COL15A1: variants seen among roughly 807,000 people sequenced by gnomAD.
COL15A1 encodes the protein collagen alpha-1(XV) chain.
Under a neutral mutation model 165.9 loss-of-function variants are expected in COL15A1, and 111 were observed. The ratio of observed to expected loss-of-function variants is 0.67; its 90% CI spans 0.57 to 0.78. COL15A1 has a LOEUF of 0.78. Among genes scored for constraint, COL15A1 ranks in the 30% least tolerant of loss-of-function variants. The pLI is 0.00. For missense variants in COL15A1, 1,745 were observed against 1,789.7 expected (o/e 0.98, Z 0.45); for synonymous variants, 659 against 674.8 (o/e 0.98, Z 0.36).
chr9:99,065,099 C>A (rs1268193737), intron 39 of COL15A1, among the ~76,000 whole-genome samples: 1 of 152,174 alleles, frequency 6.6e-6, no homozygotes, highest in Non-Finnish European at 1.5e-5. Context: ...AATGTTCCAG[C>A]AATTAGAGAA....
chr9:99,043,174 A>G (rs1262707622), intron 24 of COL15A1, among the ~76,000 whole-genome samples: 1 of 151,394 alleles, frequency 6.6e-6, no homozygotes, highest in African/African-American at 2.4e-5. Context: ...TCTATAATAT[A>G]ATGGTCTCCA....
intron 2 of COL15A1, among the ~76,000 whole-genome samples, chr9:98,944,873 T>A (rs1837552040): frequency 6.6e-6 from 1 of 152,188 alleles, no homozygotes; most frequent in Non-Finnish European, 1.5e-5. Context: ...ACTCAGGCGG[T>A]TGGCTGAATA....
At chr9:99,008,018 C>T (rs1365755503) in intron 9 of COL15A1, among the ~76,000 whole-genome samples, 1 of 152,162 alleles carries the variant, frequency 6.6e-6, no homozygotes, top group Non-Finnish European at 1.5e-5. Flanking sequence ...AAAGAAAAAT[C>T]ATAGGACAAT....
At chr9:99,049,555 C>G in intron 28 of COL15A1, 135 bp from the exon 29 acceptor site, 1 of 1,067,214 alleles carries the variant, frequency 9.4e-7, no homozygotes, top group Non-Finnish European at 1.4e-6. Flanking sequence ...CTCTGTGGCT[C>G]CCTGAGCAAC....
intron 24 of COL15A1, among the ~76,000 whole-genome samples, chr9:99,042,897 G>A (rs538480402): frequency 3.9e-5 from 6 of 152,116 alleles, no homozygotes; most frequent in East Asian, 1.9e-4. Flanking sequence ...ATATTCACTC[G>A]TCCATGTATA....
chr9:98,971,440 T>C (rs1002361731), intron 2 of COL15A1, among the ~76,000 whole-genome samples: 2 of 151,972 alleles, frequency 1.3e-5, no homozygotes, highest in Non-Finnish European at 2.9e-5. Context: ...GAGTCTTTGT[T>C]CCCCAAATGG....
intron 2 of COL15A1, among the ~76,000 whole-genome samples, chr9:98,983,029 C>CT (rs1259153458): frequency 6.6e-6 from 1 of 152,152 alleles, no homozygotes; most frequent in South Asian, 2.1e-4. Flanking sequence ...TAATTACTCG[C>CT]TTTTTTTAAA....
chr9:99,070,363 C>A lies in COL15A1; in HGVS notation c.*477C>A. ...CCATCATTTGCAACTGCTGTTCGTA[C>A]ACAGAAACAGGACTGCTCAAATGAT... On this transcript the variant is annotated 3_prime_UTR_variant, in exon 42 of 42. Transcript: ENST00000375001. 1 of 240,812 alleles carries A rather than the reference C, an allele frequency of 4.2e-6. No homozygotes were observed. Among genetic ancestry groups the A allele is most frequent in the Non-Finnish European group, 8.4e-6 (1 of 119,518 alleles). 14.9% of individuals were successfully genotyped at this position (240,812 alleles called of 1,614,324 possible). A position where few individuals can be genotyped will look rare whatever the true frequency, so the allele number is the denominator to read the frequency against.
intron 4 of COL15A1, among the ~76,000 whole-genome samples, chr9:98,988,050 A>G (rs1000341049): frequency 7.2e-5 from 11 of 151,910 alleles, no homozygotes; most frequent in Middle Eastern, 3.4e-3. Flanking sequence ...CTGACCAATG[A>G]CAAGGGTGAG....
At chr9:99,029,149 A>G (rs1021293577) in intron 16 of COL15A1, among the ~76,000 whole-genome samples, 2 of 152,240 alleles carry the variant, frequency 1.3e-5, no homozygotes, top group African/African-American at 4.8e-5. Flanking sequence ...ACCTAGTATT[A>G]ACAGTTGTTG....
chr9:99,014,649 AAGTT>A (rs1838899098), intron 9 of COL15A1, among the ~76,000 whole-genome samples: 1 of 152,168 alleles, frequency 6.6e-6, no homozygotes, highest in South Asian at 2.1e-4. Context: ...GGTCTCAGGA[AAGTT>A]AGGTAGTTTA....
At chr9:99,013,618 C>T (rs1408957363) in intron 9 of COL15A1, among the ~76,000 whole-genome samples, 1 of 151,660 alleles carries the variant, frequency 6.6e-6, no homozygotes, top group East Asian at 1.9e-4. Flanking sequence ...ACTTTGTACT[C>T]TCATCCACCA....
intron 26 of COL15A1, among the ~76,000 whole-genome samples, chr9:99,047,185 A>C (rs527848732): frequency 1.3e-5 from 2 of 152,378 alleles, no homozygotes; most frequent in African/African-American, 4.8e-5. Context: ...AGGTTGCAAC[A>C]GAACAGTGGT....
chr9:98,980,289 T>C (rs576097483), intron 2 of COL15A1, among the ~76,000 whole-genome samples: 2 of 152,230 alleles, frequency 1.3e-5, no homozygotes, highest in Admixed American at 6.5e-5. Flanking sequence ...AGTGACCCAA[T>C]AGTGACATGC....
intron 28 of COL15A1, 124 bp downstream of exon 28, chr9:99,048,124 CT>C (rs1839524791): frequency 4.2e-6 from 3 of 721,518 alleles, no homozygotes; most frequent in Admixed American, 2.0e-5. Flanking sequence ...TTCACTGCCA[CT>C]GCCAAAGGTC....
At chr9:99,063,818 A>G (rs894957285) in intron 39 of COL15A1, among the ~76,000 whole-genome samples, 1 of 152,176 alleles carries the variant, frequency 6.6e-6, no homozygotes, top group Non-Finnish European at 1.5e-5. Context: ...TAATTGGGTC[A>G]TTGATTGAAT....
At chr9:99,054,455 AG>A in intron 31 of COL15A1, 120 bp from the exon 32 acceptor site, 1 of 1,011,902 alleles carries the variant, frequency 9.9e-7, no homozygotes, top group Non-Finnish European at 1.4e-6. Flanking sequence ...ATCTCTCAGG[AG>A]GGCTTTGTTT....
At chr9:98,969,421 C>A (rs1312810211) in intron 2 of COL15A1, among the ~76,000 whole-genome samples, 1 of 152,176 alleles carries the variant, frequency 6.6e-6, no homozygotes, top group Non-Finnish European at 1.5e-5. Flanking sequence ...CAAAGTTGCC[C>A]ATCTTTTAAA....
At chr9:99,062,930 G>A in intron 38 of COL15A1, 120 bp from the exon 39 acceptor site, 2 of 1,264,870 alleles carry the variant, frequency 1.6e-6, no homozygotes. Context: ...CACAGTTACA[G>A]ACAATGGCAA....
Sources: allele counts gnomAD v4.1 joint callset (sites outside exome capture counted in the v4.1 genomes callset), GRCh38; gene constraint gnomAD v4.1.1; transcripts MANE v1.5; gene names NCBI Gene and HGNC (gene_info 2026-07-23, HGNC 2026-07-21).